Variants in ZNF385D observed in about 807,000 individuals in gnomAD.
The protein encoded by ZNF385D is zinc finger protein 659.
Under a neutral mutation model 35.8 loss-of-function variants are expected in ZNF385D, and 15 were observed. That is an observed-to-expected ratio of 0.42 (90% confidence interval 0.28 to 0.64). The LOEUF is 0.64. ZNF385D is among the 30% of genes least tolerant of loss of function. The pLI, the probability that ZNF385D is intolerant of heterozygous loss-of-function variation, is 0.23. For synonymous variants in ZNF385D, 212 were observed against 186.8 expected, an observed-to-expected ratio of 1.13 and a Z score of -1.10; for missense variants, 474 against 494.6, an observed-to-expected ratio of 0.96 and a Z score of 0.39.
At chr3:22,366,996 C>G (rs1696685956) in intron 2 of ZNF385D, among the ~76,000 whole-genome samples, 1 of 152,192 alleles carries the variant, frequency 6.6e-6, no homozygotes, top group South Asian at 2.1e-4. Flanking sequence ...TTGCCAACAT[C>G]TGGCTTTTGG....
chr3:21,825,996 G>A (rs531038230), intron 3 of ZNF385D, among the ~76,000 whole-genome samples: 1 of 152,288 alleles, frequency 6.6e-6, no homozygotes, highest in African/African-American at 2.4e-5. Context: ...TCTAATGCCT[G>A]ATGATTTGAG....
chr3:21,864,982 G>C (rs1697260300), intron 3 of ZNF385D, among the ~76,000 whole-genome samples: 1 of 93,516 alleles, frequency 1.1e-5, no homozygotes, highest in Non-Finnish European at 2.1e-5. Context: ...CCTACGTTTG[G>C]AACAATGCTT....
intron 3 of ZNF385D, among the ~76,000 whole-genome samples, chr3:21,953,411 C>A (rs1048084953): frequency 1.6e-4 from 24 of 151,902 alleles, no homozygotes; most frequent in African/African-American, 4.8e-4. Flanking sequence ...TCCTTTGATT[C>A]ATCTTTTATG....
chr3:21,509,870 G>A (rs1461130458), intron 4 of ZNF385D, among the ~76,000 whole-genome samples: 2 of 152,200 alleles, frequency 1.3e-5, no homozygotes, highest in Non-Finnish European at 1.5e-5. Flanking sequence ...CCCAGTCCTT[G>A]GAAGAGCTGA....
chr3:21,609,227 C>T (rs750505976), intron 2 of ZNF385D, among the ~76,000 whole-genome samples: 17 of 152,220 alleles, frequency 1.1e-4, no homozygotes, highest in Non-Finnish European at 1.8e-4. Flanking sequence ...TTACCCACCA[C>T]ATCAGTCTCA....
intron 3 of ZNF385D, among the ~76,000 whole-genome samples, chr3:21,790,747 T>C (rs2071893522): frequency 6.6e-6 from 1 of 152,236 alleles, no homozygotes; most frequent in Non-Finnish European, 1.5e-5. Flanking sequence ...CTTTTTATGT[T>C]TGACTTTTCT....
chr3:22,236,257 A>G (rs1227480964), intron 2 of ZNF385D, among the ~76,000 whole-genome samples: 2 of 152,210 alleles, frequency 1.3e-5, no homozygotes, highest in Non-Finnish European at 2.9e-5. Flanking sequence ...ATACACATAT[A>G]TATCTTGCTT....
intron 2 of ZNF385D, among the ~76,000 whole-genome samples, chr3:22,302,860 TTTTTG>T (rs1220948174): frequency 3.3e-5 from 5 of 152,272 alleles, no homozygotes; most frequent in African/African-American, 7.2e-5. Flanking sequence ...AATATTTACA[TTTTTG>T]TTTTATTTCT....
intron 3 of ZNF385D, among the ~76,000 whole-genome samples, chr3:21,519,282 G>A (rs1707771404): frequency 6.6e-6 from 1 of 152,112 alleles, no homozygotes; most frequent in Non-Finnish European, 1.5e-5. Flanking sequence ...TAGAAGCAAA[G>A]AAAGTACTTT....
chr3:22,292,500 C>T (rs1702350417), intron 2 of ZNF385D, among the ~76,000 whole-genome samples: 1 of 152,030 alleles, frequency 6.6e-6, no homozygotes, highest in African/African-American at 2.4e-5. Flanking sequence ...TCGCCCAGTA[C>T]TGGCACTATT....
At chr3:21,763,989 A>C (rs973537715) in intron 3 of ZNF385D, among the ~76,000 whole-genome samples, 12 of 152,198 alleles carry the variant, frequency 7.9e-5, no homozygotes, top group African/African-American at 2.9e-4. Flanking sequence ...TTTCCCAAAG[A>C]ATGAGATACT....
intron 2 of ZNF385D, among the ~76,000 whole-genome samples, chr3:22,243,174 C>A (rs974338280): frequency 6.7e-6 from 1 of 149,304 alleles, no homozygotes. Context: ...ACTTGCAACC[C>A]AATAATAAAA....
intron 3 of ZNF385D, among the ~76,000 whole-genome samples, chr3:21,919,625 G>A (rs1700357406): frequency 1.3e-5 from 2 of 152,156 alleles, no homozygotes. Context: ...TCTGATAATT[G>A]CTGCAGGCAG....
At chr3:21,920,288 C>CG (rs1559754769) in intron 3 of ZNF385D, among the ~76,000 whole-genome samples, 1 of 151,958 alleles carries the variant, frequency 6.6e-6, no homozygotes, top group African/African-American at 2.4e-5. Context: ...GCCTGACAGA[C>CG]GCAGTGCTTC....
At chr3:21,982,337 T>C (rs924979680) in intron 3 of ZNF385D, among the ~76,000 whole-genome samples, 4 of 152,138 alleles carry the variant, frequency 2.6e-5, no homozygotes, top group African/African-American at 9.7e-5. Context: ...TTTATTCTTT[T>C]ATGGCAATTG....
At chr3:22,367,677 C>A (rs1291465505) in intron 2 of ZNF385D, among the ~76,000 whole-genome samples, 1 of 151,902 alleles carries the variant, frequency 6.6e-6, no homozygotes, top group African/African-American at 2.4e-5. Flanking sequence ...AGATACATTT[C>A]ATTCTTTTTT....
intron 4 of ZNF385D, among the ~76,000 whole-genome samples, chr3:21,489,732 G>C: frequency 6.6e-6 from 1 of 152,052 alleles, no homozygotes; most frequent in East Asian, 1.9e-4. Flanking sequence ...CCCATCCTGT[G>C]CTACAGGTTG....
intron 3 of ZNF385D, among the ~76,000 whole-genome samples, chr3:22,129,158 T>A (rs1559391163): frequency 6.6e-6 from 1 of 152,124 alleles, no homozygotes; most frequent in Non-Finnish European, 1.5e-5. Flanking sequence ...AGTCTCTTGT[T>A]TTCTTTCCTT....
chr3:21,650,109 G>C (rs556151580), intron 2 of ZNF385D, among the ~76,000 whole-genome samples: 2 of 152,108 alleles, frequency 1.3e-5, no homozygotes, highest in Non-Finnish European at 2.9e-5. Context: ...AGGAAGGCAG[G>C]TATCCTGGAA....
Sources: gnomAD v4.1 joint callset for allele counts (sites outside exome capture counted in the v4.1 genomes callset) on GRCh38, gnomAD v4.1.1 for gene constraint, MANE v1.5 for transcripts, NCBI Gene and HGNC (gene_info 2026-07-23, HGNC 2026-07-21) for gene names.